Variants in FBXL2 observed in about 807,000 individuals in gnomAD.
FBXL2 encodes the protein F-box and leucine rich repeat protein 2, also known as F-box/LRR-repeat protein 2.
FBXL2 carries 38 observed loss-of-function variants against 69.2 expected under a neutral mutation model. That is an observed-to-expected ratio of 0.55 (90% confidence interval 0.42 to 0.72). FBXL2 has a LOEUF of 0.72. FBXL2 is among the 30% of genes least tolerant of loss of function. The probability of loss-of-function intolerance (pLI) is 0.00; values close to 1 mark genes in which losing one functional copy is unlikely to be tolerated. For synonymous variants in FBXL2, 192 were observed against 201.3 expected (o/e 0.95, Z 0.39); for missense variants, 354 against 520.3 (o/e 0.68, Z 3.11).
intron 12 of FBXL2, chr3:33,402,909 G>T: frequency 6.2e-7 from 1 of 1,601,246 alleles, no homozygotes; most frequent in East Asian, 2.2e-5. Flanking sequence ...AGAACACTAA[G>T]GACAGAAACA....
chr3:33,373,700 C>T lies in FBXL2; in HGVS notation c.578C>T (p.Thr193Ile). 1 of 1,614,182 alleles carries T rather than the reference C, an allele frequency of 6.2e-7. No individual in the cohort carries two copies. Among genetic ancestry groups the T allele is most frequent in the African/African-American group, 1.3e-5 (1 of 75,048 alleles). ...GLKALLLRGCTQLEDEALKHI... is the reference protein window; with the variant it reads ...GLKALLLRGCIQLEDEALKHI... ...AAAGCCCTGCTCCTGAGGGGCTGCA[C>T]ACAGGTACCAGAGGGTTGATACAGC... The change falls in exon 8 of 15, where the codon ACA becomes ATA. Residue 193 changes from threonine to isoleucine, a missense_variant. Transcript: ENST00000484457.
chr3:33,384,953 G>A (rs896025494), intron 14 of FBXL2, among the ~76,000 whole-genome samples: 8 of 152,106 alleles, frequency 5.3e-5, no homozygotes, highest in African/African-American at 1.7e-4. Context: ...GCTTGAACCC[G>A]GGAGGTGGAG....
chr3:33,364,619 T>C lies in FBXL2; in HGVS notation c.196-6T>C, dbSNP rs764426489. 1.4e-5 allele frequency: 22 copies of C among 1,613,352 alleles called. No individual in the cohort carries two copies. The Admixed American group carries it at 3.5e-4, about 26-fold the overall frequency. On this transcript the variant is annotated splice_region_variant and splice_polypyrimidine_tract_variant and intron_variant, in intron 4 of 14. Transcript: ENST00000484457. ...ATTTTTTCCTCCCGAACTTTCTTGA[T>C]TAAAGGGTCGAGTGGTGGAAAATAT...
At chr3:33,400,978 G>A in intron 12 of FBXL2, 2 of 1,596,210 alleles carry the variant, frequency 1.3e-6, no homozygotes, top group Non-Finnish European at 1.7e-6. Flanking sequence ...AGAGGTCTGT[G>A]AAGCTCCATC....
At chr3:33,348,484 A>G (rs532464946) in intron 2 of FBXL2, among the ~76,000 whole-genome samples, 2 of 152,196 alleles carry the variant, frequency 1.3e-5, no homozygotes, top group East Asian at 3.9e-4. Flanking sequence ...AGCTTTGGCT[A>G]TATTCTGGGT....
intron 2 of FBXL2, among the ~76,000 whole-genome samples, chr3:33,355,779 G>T (rs549194918): frequency 1.6e-4 from 25 of 152,336 alleles, no homozygotes; most frequent in African/African-American, 5.8e-4. Flanking sequence ...TTCTAGGAAA[G>T]AATGTTTTGA....
chr3:33,353,167 T>C (rs1355747780), intron 2 of FBXL2, among the ~76,000 whole-genome samples: 3 of 152,230 alleles, frequency 2.0e-5, no homozygotes, highest in Admixed American at 6.5e-5. Flanking sequence ...GGAACACTTA[T>C]TCACTGTTAG....
chr3:33,316,837 G>A (rs2037740946), intron 2 of FBXL2, among the ~76,000 whole-genome samples: 1 of 152,072 alleles, frequency 6.6e-6, no homozygotes, highest in Non-Finnish European at 1.5e-5. Context: ...TATGAGTTGG[G>A]CAAACATTTT....
chr3:33,406,752 C>T (rs17030624), downstream of FBXL2, among the ~76,000 whole-genome samples: 39,113 of 152,054 alleles, frequency 0.26, 5,951 homozygotes, highest in East Asian at 0.47. Context: ...GTTATGGTTT[C>T]GGTACACTGT....
At chr3:33,407,691 A>G (rs2044464606), downstream of FBXL2, among the ~76,000 whole-genome samples, 1 of 152,182 alleles carries the variant, frequency 6.6e-6, no homozygotes, top group Non-Finnish European at 1.5e-5. Flanking sequence ...GTTTCTTGTG[A>G]TAGTGCTTGT....
In FBXL2 at chr3:33,373,898, A is replaced by G. The variant is rs775107800; in HGVS notation, c.634A>G (p.Ser212Gly). Reference sequence around the variant, plus strand: ...TCAGAATTACTGCCATGAGCTTGTGAGCCTCAACTTGCAGTCCTGCTCAGT... The same window carrying G: ...TCAGAATTACTGCCATGAGCTTGTGGGCCTCAACTTGCAGTCCTGCTCAGT... ...HIQNYCHELV[S>G]LNLQSCSRIT... is the part of the protein sequence containing the mutation. Residue 212 changes from serine (S) to glycine (G), a missense_variant, in exon 9 of 15, where the codon AGC becomes GGC. By Grantham distance (56) the Ser-to-Gly change is moderately conservative. Transcript: ENST00000484457. 1.2e-6 allele frequency: 2 copies of G among 1,614,208 alleles called. No homozygotes were observed. Among genetic ancestry groups the G allele is most frequent in the South Asian group, 1.1e-5 (1 of 91,082 alleles).
chr3:33,292,322 C>T (rs938754338), intron 1 of FBXL2, among the ~76,000 whole-genome samples: 1 of 151,978 alleles, frequency 6.6e-6, no homozygotes, highest in African/African-American at 2.4e-5. Context: ...GAGGTTGCAG[C>T]GAGCCAAGAT....
At chr3:33,291,045 T>TTAGCCTCCTGAA (rs2035172756) in intron 1 of FBXL2, among the ~76,000 whole-genome samples, 1 of 152,086 alleles carries the variant, frequency 6.6e-6, no homozygotes, top group South Asian at 2.1e-4. Flanking sequence ...TTCTCCCACC[T>TTAGCCTCCTGAA]TAGCCTCCTG....
intron 1 of FBXL2, among the ~76,000 whole-genome samples, chr3:33,285,335 A>G (rs1027180762): frequency 2.6e-5 from 4 of 152,166 alleles, no homozygotes; most frequent in Non-Finnish European, 5.9e-5. Flanking sequence ...TCTGGGTTGA[A>G]AATTCTTTTC....
At chr3:33,355,303 T>C (rs1389618354) in intron 2 of FBXL2, among the ~76,000 whole-genome samples, 1 of 152,220 alleles carries the variant, frequency 6.6e-6, no homozygotes, top group Non-Finnish European at 1.5e-5. Context: ...GGTATCTATC[T>C]GGAAAACTAC....
At chr3:33,364,357 C>T in intron 4 of FBXL2, 1 of 452,016 alleles carries the variant, frequency 2.2e-6, no homozygotes, top group Non-Finnish European at 4.0e-6. Flanking sequence ...TTTCAAAAGG[C>T]AGTGTACAGG....
At chr3:33,393,061 G>A (rs2043832452), downstream of FBXL2, 1 of 413,700 alleles carries the variant, frequency 2.4e-6, no homozygotes, top group Non-Finnish European at 4.2e-6. Context: ...TCCCTAGAGT[G>A]CCCCAGTGAT....
chr3:33,405,281 G>A (rs1251243620), downstream of FBXL2, among the ~76,000 whole-genome samples: 6 of 152,130 alleles, frequency 3.9e-5, no homozygotes, highest in East Asian at 1.2e-3. Flanking sequence ...CAAGAAGGAA[G>A]AACAGAGTAA....
downstream of FBXL2, among the ~76,000 whole-genome samples, chr3:33,404,683 ACT>A (rs1491326285): frequency 6.6e-6 from 1 of 152,122 alleles, no homozygotes; most frequent in Non-Finnish European, 1.5e-5. Context: ...AACTCTAATG[ACT>A]AAGTTTTTCT....
Sources: gnomAD v4.1 joint callset for allele counts (sites outside exome capture counted in the v4.1 genomes callset) on GRCh38, gnomAD v4.1.1 for gene constraint, MANE v1.5 for transcripts, NCBI Gene and HGNC (gene_info 2026-07-23, HGNC 2026-07-21) for gene names.